Variants in AKR1B15 observed in about 807,000 individuals in gnomAD.
The protein encoded by AKR1B15 is aldo-keto reductase family 1 member B15.
Under a neutral mutation model 38.5 loss-of-function variants are expected in AKR1B15, and 49 were observed. That is an observed-to-expected ratio of 1.27 (90% CI 1.01 to 1.62). The LOEUF (loss-of-function observed/expected upper bound fraction) is 1.62. Among genes scored for constraint, AKR1B15 ranks in the 40% most tolerant of loss-of-function variants. The pLI is 0.00. For synonymous variants in AKR1B15, 137 were observed against 135.5 expected, an observed-to-expected ratio of 1.01 and a Z score of -0.08; for missense variants, 411 against 381.6, an observed-to-expected ratio of 1.08 and a Z score of -0.64.
Position 134,569,476 on chromosome 7 carries a change from C to T in AKR1B15, c.382C>T (p.Leu128=). The change falls in exon 5 of 12, where the codon CTG becomes TTG. Residue 128 remains leucine, a synonymous_variant. Coordinates refer to ENST00000457545, the MANE Select transcript of AKR1B15 (RefSeq NM_001080538.3). ...AGCCTTTGAGAAGACCCTCAAGGAC[C>T]TGAAGCTGAGCTATCTGGACGTCTA... ...RKAFEKTLKD[L]KLSYLDVYLI... The T allele has an allele frequency of 6.2e-7, 1 of 1,614,068 alleles. No homozygotes were observed. Among genetic ancestry groups the T allele is most frequent in the Non-Finnish European group, 8.5e-7 (1 of 1,179,978 alleles).
chr7:134,553,678 C>T (rs1021879962), intron 1 of AKR1B15, among the ~76,000 whole-genome samples: 2 of 152,220 alleles, frequency 1.3e-5, no homozygotes, highest in African/African-American at 2.4e-5. Flanking sequence ...TTAGATCAGC[C>T]GCGTTTAACT....
intron 11 of AKR1B15, among the ~76,000 whole-genome samples, chr7:134,578,540 G>A (rs1162949219): frequency 1.3e-5 from 2 of 152,118 alleles, no homozygotes; most frequent in East Asian, 1.9e-4. Context: ...CTGGCTAGGC[G>A]GGAATTCTAC....
Position 134,564,104 on chromosome 7 carries a change from C to A in AKR1B15, c.-22-494C>A, listed in dbSNP as rs374505312. Among the ~76,000 whole-genome samples, 37 of 152,254 alleles carry A rather than the reference C, an allele frequency of 2.4e-4. 1 individual carries two copies. The South Asian group carries it at 7.5e-3, about 31-fold the overall frequency. On this transcript the variant is annotated intron_variant, in intron 2 of 11. Transcript: ENST00000457545. ...ATCAGTGCCCCTCAAAACTCAAGTCCGTCAGCACAGAGCCATACAGCTAAT... is the reference window on the plus strand; with the variant it reads ...ATCAGTGCCCCTCAAAACTCAAGTCAGTCAGCACAGAGCCATACAGCTAAT...
chr7:134,569,211 A>T (rs186934613), intron 4 of AKR1B15, among the ~76,000 whole-genome samples: 127 of 152,348 alleles, frequency 8.3e-4, no homozygotes, highest in Admixed American at 1.6e-3. Context: ...TGAAAAAGTC[A>T]ACTGCTTTTA....
chr7:134,575,440 C>T lies in AKR1B15; in HGVS notation c.534C>T (p.Asp178=), dbSNP rs4035285. 347 of 1,613,602 alleles carry T rather than the reference C, an allele frequency of 2.2e-4. 2 individuals carry two copies. In the East Asian group the frequency reaches 5.9e-3, roughly 27 times the overall value. ...DAWEAMEELV[D]EGLVKALGVS... Reference sequence around the variant, plus strand: ...GATAGGCCATGGAGGAGCTGGTGGACGAGGGGCTGGTGAAAGCCCTTGGGG... The same window carrying T: ...GATAGGCCATGGAGGAGCTGGTGGATGAGGGGCTGGTGAAAGCCCTTGGGG... The change falls in exon 7 of 12, where the codon GAC becomes GAT. Residue 178 remains aspartate, a synonymous_variant. Transcript: ENST00000457545.
intron 2 of AKR1B15, among the ~76,000 whole-genome samples, chr7:134,564,071 C>A (rs1157733196): frequency 1.3e-5 from 2 of 152,170 alleles, no homozygotes; most frequent in East Asian, 3.8e-4. Context: ...CCCAGGAAAT[C>A]AGACCCTATC....
rs142111205 is a variant in AKR1B15 at position 134,557,714 on chromosome 7, A to T, written c.-23+855A>T. ...ACTTTTTTGCCTGTTCTGCTTCTGT[A>T]AAAAATTGCTTCAGCTACACTCCTC... On this transcript the variant is annotated intron_variant, in intron 2 of 11. Coordinates refer to ENST00000457545, the MANE Select transcript of AKR1B15 (RefSeq NM_001080538.3). Among the ~76,000 whole-genome samples, 669 of 152,192 alleles carry T rather than the reference A, an allele frequency of 4.4e-3. 6 individuals are homozygous for T. The highest frequency in any genetic ancestry group is 0.015 in the African/African-American group (628 of 41,518).
chr7:134,550,316 C>T (rs1015284383), intron 1 of AKR1B15, among the ~76,000 whole-genome samples: 4 of 152,300 alleles, frequency 2.6e-5, no homozygotes, highest in Admixed American at 2.6e-4. Context: ...TTACCCTGCA[C>T]ATCTCATTTT....
rs180914250 is a variant in AKR1B15, at chr7:134,568,783, T to G, written c.318+458T>G. Among the ~76,000 whole-genome samples, 70 of 151,986 alleles carry G rather than the reference T, an allele frequency of 4.6e-4. No homozygotes were observed. The East Asian group carries it at 0.012, about 26-fold the overall frequency. ...TTATTCAGTCTAGTAAAAGTTGAGG[T>G]ATACAATGTTATAAAAAAAGAAAAG... On this transcript the variant is annotated intron_variant, in intron 4 of 11. Coordinates refer to ENST00000457545, the MANE Select transcript of AKR1B15 (RefSeq NM_001080538.3).
At chr7:134,573,435 A>C (rs1290492783) in intron 6 of AKR1B15, 11 of 985,270 alleles carry the variant, frequency 1.1e-5, no homozygotes, top group Non-Finnish European at 1.2e-5. Flanking sequence ...ATGTTTTCTT[A>C]ATGAACATGA....
At chr7:134,571,563 C>CTGA in intron 5 of AKR1B15, 41 bp from the exon 6 acceptor site, 1 of 1,501,756 alleles carries the variant, frequency 6.7e-7, no homozygotes, top group Non-Finnish European at 9.3e-7. Context: ...ACCAAGTGTC[C>CTGA]TGATGCAGAT....
intron 1 of AKR1B15, among the ~76,000 whole-genome samples, chr7:134,554,528 C>T (rs796642139): frequency 1.3e-5 from 2 of 152,144 alleles, no homozygotes; most frequent in Non-Finnish European, 2.9e-5. Flanking sequence ...CAAGATCCCC[C>T]ACCTTCAGGA....
intron 1 of AKR1B15, among the ~76,000 whole-genome samples, chr7:134,554,350 AAAAC>A (rs1451364250): frequency 6.6e-6 from 1 of 152,186 alleles, no homozygotes; most frequent in East Asian, 1.9e-4. Flanking sequence ...CAGAGGAAGA[AAAAC>A]AAGCTTCGGA....
At chr7:134,560,498 G>T (rs867519878) in intron 2 of AKR1B15, among the ~76,000 whole-genome samples, 145 of 150,526 alleles carry the variant, frequency 9.6e-4, no homozygotes, top group Non-Finnish European at 1.6e-3. Context: ...ATAACCAGTT[G>T]GGTTGTTACA....
In AKR1B15 at chr7:134,576,808, G is replaced by A. The variant is rs555296401; in HGVS notation, c.826-155G>A. On this transcript the variant is annotated intron_variant, in intron 9 of 11. Transcript: ENST00000457545. ...AGGTGAAGGGAGAGAAAGAGGTGGG[G>A]GTCTGGCACAAGTCTAATAGCTGTG... is the stretch of plus-strand genomic sequence containing the variant. Among the ~76,000 whole-genome samples the A allele has an allele frequency of 1.3e-4, 19 of 151,828 alleles. No homozygotes were observed. In the East Asian group the frequency reaches 3.7e-3, roughly 29 times the overall value.
Position 134,579,492 on chromosome 7 carries a change from T to C in AKR1B15, c.993-15T>C, listed in dbSNP as rs76686337. The C allele has an allele frequency of 6.5e-7, 1 of 1,546,190 alleles. No homozygotes were observed. Among genetic ancestry groups the C allele is most frequent in the Non-Finnish European group, 8.7e-7 (1 of 1,151,910 alleles). Reference sequence around the variant, plus strand: ...ATGGAACACAGTTTCTTTTTTTTTTTCTCTCTCTCTGTAGATTCTCTCATT... The same window carrying C: ...ATGGAACACAGTTTCTTTTTTTTTTCCTCTCTCTCTGTAGATTCTCTCATT... On this transcript the variant is annotated splice_polypyrimidine_tract_variant and intron_variant, in intron 11 of 11. Transcript: ENST00000457545.
At chr7:134,562,866 C>CTTTCT (rs1451921397) in intron 2 of AKR1B15, among the ~76,000 whole-genome samples, 1 of 142,594 alleles carries the variant, frequency 7.0e-6, no homozygotes, top group Non-Finnish European at 1.5e-5. Context: ...TTCTTTCTTT[C>CTTTCT]TTTCTTTCTT....
At chr7:134,554,142 G>A (rs2117605747) in intron 1 of AKR1B15, among the ~76,000 whole-genome samples, 1 of 152,264 alleles carries the variant, frequency 6.6e-6, no homozygotes, top group Non-Finnish European at 1.5e-5. Context: ...AGCCCTGCTT[G>A]AAGCTGTTTG....
intron 1 of AKR1B15, among the ~76,000 whole-genome samples, chr7:134,550,509 C>T (rs1209852070): frequency 6.6e-6 from 1 of 152,156 alleles, no homozygotes; most frequent in East Asian, 1.9e-4. Context: ...CCCTTGGACC[C>T]ACCTCTTATC....
Sources: allele counts gnomAD v4.1 joint callset (sites outside exome capture counted in the v4.1 genomes callset), GRCh38; gene constraint gnomAD v4.1.1; transcripts MANE v1.5; gene names NCBI Gene and HGNC (gene_info 2026-07-23, HGNC 2026-07-21).